The following NRG3 variants were observed in gnomAD, a reference collection of about 807,000 sequenced individuals.
The protein encoded by NRG3 is neuregulin 3.
In NRG3, 31 loss-of-function variants were observed where a neutral mutation model predicts 66.9. The ratio of observed to expected loss-of-function variants is 0.46; its 90% confidence interval spans 0.35 to 0.63. The LOEUF (loss-of-function observed/expected upper bound fraction) is 0.63, where lower values mean the gene tolerates loss of function less well. Among genes scored for constraint, NRG3 ranks in the 20% least tolerant of loss-of-function variants. The pLI is 0.00. For missense variants in NRG3, 910 were observed against 878.9 expected (o/e 1.04, Z -0.45); for synonymous variants, 393 against 359.4 (o/e 1.09, Z -1.06).
At chr10:81,948,179 GT>G (rs913181537) in intron 1 of NRG3, among the ~76,000 whole-genome samples, 4 of 152,008 alleles carry the variant, frequency 2.6e-5, no homozygotes, top group Admixed American at 6.6e-5. Flanking sequence ...TGTTTATGTT[GT>G]TTGTGTTAAA....
chr10:82,731,553 A>G (rs2057906158), intron 2 of NRG3, among the ~76,000 whole-genome samples: 1 of 149,466 alleles, frequency 6.7e-6, no homozygotes, highest in Non-Finnish European at 1.5e-5. Context: ...TTCACTTAAC[A>G]TAATGCCTTC....
At chr10:82,763,079 C>T (rs1565288708) in intron 3 of NRG3, among the ~76,000 whole-genome samples, 1 of 152,134 alleles carries the variant, frequency 6.6e-6, no homozygotes, top group Non-Finnish European at 1.5e-5. Context: ...GATTCTTGCC[C>T]AGTGTTTATG....
intron 2 of NRG3, among the ~76,000 whole-genome samples, chr10:82,700,573 A>G (rs1358889871): frequency 6.6e-6 from 1 of 152,200 alleles, no homozygotes; most frequent in African/African-American, 2.4e-5. Context: ...CAATCAGATC[A>G]CTTTTGGTAG....
At chr10:82,298,217 AGAAG>A (rs2080183725) in intron 1 of NRG3, among the ~76,000 whole-genome samples, 1 of 138,124 alleles carries the variant, frequency 7.2e-6, no homozygotes, top group Admixed American at 7.2e-5. Context: ...AAGGAAGGAA[AGAAG>A]GGAGGGAGGG....
At chr10:82,975,684 A>T (rs1347216215) in intron 7 of NRG3, among the ~76,000 whole-genome samples, 1 of 152,226 alleles carries the variant, frequency 6.6e-6, no homozygotes, top group African/African-American at 2.4e-5. Flanking sequence ...GAACGTTTTC[A>T]TGATCGATAA....
chr10:81,911,286 AT>A (rs1461317186), intron 1 of NRG3, among the ~76,000 whole-genome samples: 1 of 152,072 alleles, frequency 6.6e-6, no homozygotes. Context: ...TTAAAATGGG[AT>A]TTTCAGGTAA....
intron 2 of NRG3, among the ~76,000 whole-genome samples, chr10:82,688,393 A>G (rs2054672275): frequency 6.6e-6 from 1 of 152,140 alleles, no homozygotes; most frequent in African/African-American, 2.4e-5. Flanking sequence ...GAGAATCACT[A>G]CCATGTTCTT....
At chr10:82,158,388 A>G (rs886187694) in intron 1 of NRG3, among the ~76,000 whole-genome samples, 9 of 151,506 alleles carry the variant, frequency 5.9e-5, no homozygotes, top group African/African-American at 1.9e-4. Flanking sequence ...CTGTTGGTCT[A>G]TGGTGTCTCA....
At chr10:82,337,572 C>A (rs2082453061) in intron 1 of NRG3, among the ~76,000 whole-genome samples, 1 of 152,228 alleles carries the variant, frequency 6.6e-6, no homozygotes, top group Non-Finnish European at 1.5e-5. Context: ...AACTTTTCTG[C>A]AGAAGCTGCA....
rs1842301066 is a variant in NRG3, at chr10:81,882,829, CAAT to C, written c.823+6669_823+6671del. On this transcript the variant is annotated intron_variant, in intron 1 of 8. Transcript: ENST00000372141. ...TTCCTCTCTGATATCCTGGCACACA[CAAT>C]AAAATATAGTGTGGAGTCCTACCTC... Among the ~76,000 whole-genome samples the C allele has an allele frequency of 2.0e-5, 3 of 152,146 alleles. No homozygotes were observed. In the South Asian group the frequency reaches 6.2e-4, roughly 32 times the overall value.
intron 1 of NRG3, among the ~76,000 whole-genome samples, chr10:81,882,726 G>A (rs879686222): frequency 6.6e-6 from 1 of 152,054 alleles, no homozygotes; most frequent in Non-Finnish European, 1.5e-5. Flanking sequence ...TATTGGAGCT[G>A]GTTTGTTACC....
chr10:82,961,199 A>C (rs1850605073), intron 6 of NRG3, among the ~76,000 whole-genome samples: 1 of 152,232 alleles, frequency 6.6e-6, no homozygotes, highest in Non-Finnish European at 1.5e-5. Context: ...GTATAAACGT[A>C]ATAAGGTGAA....
At chr10:82,436,172 A>G (rs1165266947) in intron 2 of NRG3, among the ~76,000 whole-genome samples, 7 of 152,196 alleles carry the variant, frequency 4.6e-5, no homozygotes, top group Non-Finnish European at 1.0e-4. Context: ...GTGGGAGTCT[A>G]GGTCTCTTTG....
intron 2 of NRG3, among the ~76,000 whole-genome samples, chr10:82,664,168 G>A (rs1285566068): frequency 3.9e-5 from 6 of 152,122 alleles, no homozygotes; most frequent in Non-Finnish European, 5.9e-5. Context: ...ATTACACTGT[G>A]GTGACAATTG....
chr10:82,852,912 T>A (rs2063630554), intron 3 of NRG3, among the ~76,000 whole-genome samples: 1 of 152,206 alleles, frequency 6.6e-6, no homozygotes, highest in Non-Finnish European at 1.5e-5. Context: ...CCCAACTAAT[T>A]ATTAGACAAT....
At chr10:81,952,610 T>C (rs1021935314) in intron 1 of NRG3, among the ~76,000 whole-genome samples, 2 of 151,936 alleles carry the variant, frequency 1.3e-5, no homozygotes, top group Non-Finnish European at 2.9e-5. Flanking sequence ...TCCTGGGTTT[T>C]TTTGTTTTTC....
intron 3 of NRG3, among the ~76,000 whole-genome samples, chr10:82,750,202 G>A (rs1203717579): frequency 6.6e-6 from 1 of 152,132 alleles, no homozygotes; most frequent in Non-Finnish European, 1.5e-5. Flanking sequence ...CCAACACAGT[G>A]CTGTACCAAG....
chr10:82,921,164 A>G (rs1846384842), intron 4 of NRG3, among the ~76,000 whole-genome samples: 1 of 152,154 alleles, frequency 6.6e-6, no homozygotes, highest in African/African-American at 2.4e-5. Flanking sequence ...ATGCTATTAT[A>G]ATAGCACTCT....
chr10:82,552,876 G>T (rs545687629), intron 2 of NRG3, among the ~76,000 whole-genome samples: 9 of 152,128 alleles, frequency 5.9e-5, no homozygotes, highest in Non-Finnish European at 1.3e-4. Context: ...CTCTAGCCTT[G>T]GGCCTCCTGT....
Sources: allele counts gnomAD v4.1 joint callset (sites outside exome capture counted in the v4.1 genomes callset), GRCh38; gene constraint gnomAD v4.1.1; transcripts MANE v1.5; gene names NCBI Gene and HGNC (gene_info 2026-07-23, HGNC 2026-07-21).